SPTBN2: variants seen among roughly 807,000 people sequenced by gnomAD.
SPTBN2 encodes spectrin beta chain, non-erythrocytic 2.
In SPTBN2, 107 loss-of-function variants were observed where a neutral mutation model predicts 284.2. That is an observed-to-expected ratio of 0.38 (90% CI 0.32 to 0.44). SPTBN2 has a LOEUF of 0.44. Among genes scored for constraint, SPTBN2 ranks in the 20% least tolerant of loss-of-function variants. The pLI is 1.00. For missense variants in SPTBN2, 2,569 were observed against 3,287.1 expected, an observed-to-expected ratio of 0.78 and a Z score of 5.34; for synonymous variants, 1,289 against 1,354.8, an observed-to-expected ratio of 0.95 and a Z score of 1.07.
Position 66,704,650 on chromosome 11 carries a change from T to G in SPTBN2, c.2626A>C (p.Asn876His), listed in dbSNP as rs1045445837. Reference sequence around the variant, plus strand: ...AGGCGTTCAGGCAGGGCCAGCCCGTTGAGCCACTGCTCCTTCTCCTCCACC... The same window carrying G: ...AGGCGTTCAGGCAGGGCCAGCCCGTGGAGCCACTGCTCCTTCTCCTCCACC... ...LWVEEKEQWL[N>H]GLALPERLED... The change falls in exon 15 of 38, where the codon AAC becomes CAC. Residue 876 changes from asparagine to histidine, a missense_variant. Coordinates refer to ENST00000533211, the MANE Select transcript of SPTBN2 (RefSeq NM_006946.4). 4 of 1,612,102 alleles carry G rather than the reference T, an allele frequency of 2.5e-6. No homozygotes were observed. Among genetic ancestry groups the G allele is most frequent in the African/African-American group, 1.3e-5 (1 of 74,898 alleles).
Position 66,693,632 on chromosome 11 carries a change from C to T in SPTBN2, c.4593+140G>A. The T allele has an allele frequency of 7.8e-7, 1 of 1,285,468 alleles. No individual in the cohort carries two copies. The highest frequency in any genetic ancestry group is 1.1e-6 in the Non-Finnish European group (1 of 918,748). The allele number at this position is 1,285,468 out of a possible 1,614,324, so 79.6% of individuals were successfully genotyped here. ...CACTATCTCCTACTGAGAGGACCCA[C>T]CCTCCCAAGGTGAGGAAAGACAGCC... On this transcript the variant is annotated intron_variant, in intron 23 of 37. Transcript: ENST00000533211. The surrounding 1 kb of genome is among the most constrained non-coding windows in gnomAD (Gnocchi z 5.7).
chr11:66,721,632 C>T (rs1942408911), intron 1 of SPTBN2, among the ~76,000 whole-genome samples, 192 bp from the exon 2 acceptor site: 1 of 152,172 alleles, frequency 6.6e-6, no homozygotes, highest in Admixed American at 6.5e-5. Context: ...GCAGGCAGCA[C>T]ATATGGGGCC....
rs781575763 is a variant in SPTBN2, at chr11:66,699,083, C to A, written c.3777-1G>T. ...CGCTGCGTCTTGATTCTTCTTGTGCCTGGAACGACACCCTCTTGTGAAACT... is the reference window on the plus strand; with the variant it reads ...CGCTGCGTCTTGATTCTTCTTGTGCATGGAACGACACCCTCTTGTGAAACT... On this transcript the variant is annotated splice_acceptor_variant, in intron 18 of 37. Transcript: ENST00000533211. LOFTEE classifies it high-confidence loss of function. 1 of 1,614,226 alleles carries A rather than the reference C, an allele frequency of 6.2e-7. No individual in the cohort carries two copies. The highest frequency in any genetic ancestry group is 2.2e-5 in the East Asian group (1 of 44,882).
intron 10 of SPTBN2, 61 bp from the exon 11 acceptor site, chr11:66,709,080 T>C: frequency 2.2e-6 from 3 of 1,384,608 alleles, no homozygotes; most frequent in Non-Finnish European, 3.1e-6. Flanking sequence ...AAGGACTCTT[T>C]ACTCTTCCAA....
rs1048585833 is a variant in SPTBN2, at chr11:66,718,185, G to A, written c.158-2204C>T. On this transcript the variant is annotated intron_variant, in intron 3 of 37. Transcript: ENST00000533211. This position sits in a 1 kb window ranked among gnomAD's most constrained non-coding sequence, Gnocchi z 4.8. Reference sequence around the variant, plus strand: ...CCTTTGCTCCATGCAGCACCCCAAGGCCCGGCAGTCACACCCACCCATGCC... The same window carrying A: ...CCTTTGCTCCATGCAGCACCCCAAGACCCGGCAGTCACACCCACCCATGCC... Among the ~76,000 whole-genome samples, 2 of 152,196 alleles carry A rather than the reference G, an allele frequency of 1.3e-5. No homozygotes were observed. Among genetic ancestry groups the A allele is most frequent in the African/African-American group, 4.8e-5 (2 of 41,456 alleles).
chr11:66,708,763 A>G lies in SPTBN2; in HGVS notation c.1191+139T>C. ...TCTGGCACAGTGTGGGCAGCTGGGC[A>G]GAGTGCTCGAGTTTCAAGTTGGGGC... On this transcript the variant is annotated intron_variant, in intron 11 of 37. Transcript: ENST00000533211. This position sits in a 1 kb window ranked among gnomAD's most constrained non-coding sequence, Gnocchi z 4.4. 1 of 695,762 alleles carries G rather than the reference A, an allele frequency of 1.4e-6. No individual in the cohort carries two copies. Among genetic ancestry groups the G allele is most frequent in the Non-Finnish European group, 2.5e-6 (1 of 396,810 alleles). The allele number at this position is 695,762 out of a possible 1,614,324, so 43.1% of individuals were successfully genotyped here. A position where few individuals can be genotyped will look rare whatever the true frequency, so the allele number is the denominator to read the frequency against.
At position 66,714,174 on chromosome 11, in the gene SPTBN2, A is replaced by G; in HGVS notation, c.576-3T>C. 6.2e-7 allele frequency: 1 copy of G among 1,614,148 alleles called. No individual in the cohort carries two copies. The highest frequency in any genetic ancestry group is 8.5e-7 in the Non-Finnish European group (1 of 1,179,970). On this transcript the variant is annotated splice_polypyrimidine_tract_variant and splice_region_variant and intron_variant, in intron 6 of 37. Transcript: ENST00000533211. ...TGTGTACATTGACGTTGGGATAACT[A>G]TAAACAGAGATTCAGAAAATGGTGA...
At chr11:66,686,186 AG>A in intron 37 of SPTBN2, 82 bp from the exon 38 acceptor site, 1 of 1,469,348 alleles carries the variant, frequency 6.8e-7, no homozygotes, top group East Asian at 2.3e-5. Flanking sequence ...GTGTAAGAGG[AG>A]GAGGCAGAAA....
At position 66,691,440 on chromosome 11, in the gene SPTBN2, C is replaced by T. The variant is rs1209143719; in HGVS notation, c.5409G>A (p.Leu1803=). 6.2e-7 allele frequency: 1 copy of T among 1,612,126 alleles called. No individual in the cohort carries two copies. Among genetic ancestry groups the T allele is most frequent in the Non-Finnish European group, 8.5e-7 (1 of 1,179,848 alleles). The change falls in exon 27 of 38, where the codon CTG becomes CTA. Residue 1803 remains leucine (L), a synonymous_variant. Transcript: ENST00000533211. The surrounding 1 kb of genome is among the most constrained non-coding windows in gnomAD (Gnocchi z 8.0). ...GGCGTGCCCCGTGCAGGAAGCGCTG[C>T]AGCTCGTACGCCGCGGCCAGCACCT... ...RGQVLAAAYE[L]QRFLHGARQA...
intron 13 of SPTBN2, 45 bp from the exon 14 acceptor site, chr11:66,705,882 G>A (rs751700419): frequency 7.5e-6 from 12 of 1,597,986 alleles, no homozygotes; most frequent in East Asian, 2.3e-5. Context: ...GAGCACAGAC[G>A]CGCTAACCTG....
At chr11:66,697,455 G>A (rs1275392708) in intron 20 of SPTBN2, among the ~76,000 whole-genome samples, 3 of 152,002 alleles carry the variant, frequency 2.0e-5, no homozygotes, top group African/African-American at 7.3e-5. Context: ...GACTTCCCGG[G>A]GCTTCTCTCC....
In SPTBN2 at chr11:66,687,952, G is replaced by A. The variant is rs574464683; in HGVS notation, c.6451-34C>T. ...ACAAGAATCTGTAAAAGGATGTGCG[G>A]GGGTGGAGGGGCTACGACTCCGATG... is the stretch of plus-strand genomic sequence containing the variant. On this transcript the variant is annotated intron_variant, in intron 33 of 37. Transcript: ENST00000533211. This position sits in a 1 kb window ranked among gnomAD's most constrained non-coding sequence, Gnocchi z 5.2. 6.2e-7 allele frequency: 1 copy of A among 1,614,218 alleles called. No homozygotes were observed. Among genetic ancestry groups the A allele is most frequent in the South Asian group, 1.1e-5 (1 of 91,090 alleles).
In SPTBN2 at chr11:66,721,137, T is replaced by A. The variant is rs370531619; in HGVS notation, c.104A>T (p.Asn35Ile). The change falls in exon 3 of 38, where the codon AAT (asparagine) becomes ATT (isoleucine). Residue 35 changes from asparagine to isoleucine, a missense_variant. Asn to Ile is a moderately radical substitution (Grantham distance 149, BLOSUM62 -3). Transcript: ENST00000533211. ...AAAGAGGCGGGCCGAGCTGCTGTCATTGTCCCAGTCCGAGTCAGGAAGGTC... is the reference window on the plus strand; with the variant it reads ...AAAGAGGCGGGCCGAGCTGCTGTCAATGTCCCAGTCCGAGTCAGGAAGGTC... ...RWDLPDSDWD[N>I]DSSSARLFER... 1.2e-6 allele frequency: 2 copies of A among 1,614,166 alleles called. No individual in the cohort carries two copies. The highest frequency in any genetic ancestry group is 1.7e-6 in the Non-Finnish European group (2 of 1,180,014).
chr11:66,688,650 C>T lies in SPTBN2; in HGVS notation c.6231+3G>A, dbSNP rs1304978911. 3.1e-6 allele frequency: 5 copies of T among 1,613,738 alleles called. No homozygotes were observed. Among genetic ancestry groups the T allele is most frequent in the Middle Eastern group, 3.3e-4 (2 of 6,084 alleles). ...TGGGCATCCGGGGTCCTGTGTCCCT[C>T]ACCGCAGTAAGCTTCTCCAGCGCAC... On this transcript the variant is annotated splice_donor_region_variant and intron_variant, in intron 31 of 37. Transcript: ENST00000533211.
In SPTBN2 at chr11:66,687,016, G is replaced by A; in HGVS notation, c.6874C>T (p.Arg2292Cys). The change falls in exon 36 of 38, where the codon CGC becomes TGC. Residue 2292 changes from arginine to cysteine, a missense_variant. Arg to Cys is a radical substitution (Grantham distance 180, BLOSUM62 -3). This residue lies in a region of SPTBN2 where 1,130 missense variants were observed against 1,317.3 expected (regional missense o/e 0.86). Transcript: ENST00000533211. The surrounding 1 kb of genome is among the most constrained non-coding windows in gnomAD (Gnocchi z 5.2). ...TACCCCAGCTTGAAGACATGTTTGC[G>A]CTTTCGGTAATCAAAGGCGACGCTG... ...QGSVAFDYRK[R>C]KHVFKLGLQD... 1.2e-6 allele frequency: 2 copies of A among 1,614,002 alleles called. No individual in the cohort carries two copies. The highest frequency in any genetic ancestry group is 1.1e-5 in the South Asian group (1 of 91,078).
intron 1 of SPTBN2, among the ~76,000 whole-genome samples, chr11:66,722,313 G>A (rs1054290281): frequency 7.2e-5 from 11 of 151,906 alleles, no homozygotes; most frequent in East Asian, 1.9e-4. Flanking sequence ...GGTGTCTCAC[G>A]CCTGTAATCC....
In SPTBN2 at chr11:66,705,125, C is replaced by G. The variant is rs1230787910; in HGVS notation, c.2151G>C (p.Gln717His). The G allele has an allele frequency of 6.5e-7, 1 of 1,546,308 alleles. No individual in the cohort carries two copies. The highest frequency in any genetic ancestry group is 1.2e-5 in the South Asian group (1 of 85,528). Residue 717 changes from glutamine to histidine, a missense_variant, in exon 15 of 38, where the codon CAG (glutamine) becomes CAC (histidine). Transcript: ENST00000533211. ...GGAGTTCAGCTGCACGGGCAGAGGCCTGGCTTGCCCCAGGGTGACCCTCGG... is the reference window on the plus strand; with the variant it reads ...GGAGTTCAGCTGCACGGGCAGAGGCGTGGCTTGCCCCAGGGTGACCCTCGG... ...LVAEGHPGAS[Q>H]ASARAAELQA...
At position 66,715,325 on chromosome 11, in the gene SPTBN2, T is replaced by G. The variant is rs140092196; in HGVS notation, c.380A>C (p.Lys127Thr). 2 of 1,614,118 alleles carry G rather than the reference T, an allele frequency of 1.2e-6. No individual in the cohort carries two copies. Among genetic ancestry groups the G allele is most frequent in the Non-Finnish European group, 1.7e-6 (2 of 1,180,038 alleles). The change falls in exon 5 of 38, where the codon AAG becomes ACG. Residue 127 changes from lysine (K) to threonine (T), a missense_variant. Physicochemically the swap from Lys to Thr is moderately conservative, Grantham distance 78. Transcript: ENST00000533211. This position sits in a 1 kb window ranked among gnomAD's most constrained non-coding sequence, Gnocchi z 5.3. ...GTTTTCCAAGTGCACTTTCTGCTCC[T>G]TGAGGAACTGCAGTGCCTTGTCCAC... ...ENVDKALQFL[K>T]EQKVHLENMG...
intron 37 of SPTBN2, 98 bp from the exon 38 acceptor site, chr11:66,686,202 GCTGA>G (rs755226362): frequency 1.4e-5 from 20 of 1,425,800 alleles, no homozygotes; most frequent in African/African-American, 1.1e-4. Flanking sequence ...CAGAAAGTGA[GCTGA>G]CTGTTTCATG....
Sources: gnomAD v4.1 joint callset for allele counts (sites outside exome capture counted in the v4.1 genomes callset) on GRCh38, gnomAD v4.1.1 for gene constraint, gnomAD v4.1.1 regional missense constraint, Gnocchi (gnomAD v3.1) non-coding constraint, MANE v1.5 for transcripts, NCBI Gene and HGNC (gene_info 2026-07-23, HGNC 2026-07-21) for gene names.